The following TTLL11 variants were observed in gnomAD, a reference collection of about 807,000 sequenced individuals.
The protein encoded by TTLL11 is tubulin polyglutamylase TTLL11.
In TTLL11, 42 loss-of-function variants were observed where a neutral mutation model predicts 51.7. That is an observed-to-expected ratio of 0.81 (90% CI 0.64 to 1.05). TTLL11 has a LOEUF of 1.05. Among genes scored for constraint, TTLL11 ranks in the 50% least tolerant of loss-of-function variants. The pLI is 0.00. For missense variants in TTLL11, 799 were observed against 940.4 expected (o/e 0.85, Z 1.97); for synonymous variants, 381 against 383.5 (o/e 0.99, Z 0.08).
intron 8 of TTLL11, among the ~76,000 whole-genome samples, chr9:121,841,999 G>A (rs527920892): frequency 1.9e-4 from 29 of 152,224 alleles, no homozygotes; most frequent in African/African-American, 6.0e-4. Context: ...AGAGCTCCCC[G>A]AGAGCATGTG....
intron 6 of TTLL11, among the ~76,000 whole-genome samples, chr9:121,902,172 C>T (rs1478845540): frequency 6.6e-6 from 1 of 152,142 alleles, no homozygotes; most frequent in Non-Finnish European, 1.5e-5. Context: ...TCCTACAGCC[C>T]AGAAGCAACC....
chr9:121,998,257 C>T (rs1011311288), intron 3 of TTLL11, among the ~76,000 whole-genome samples: 27 of 151,964 alleles, frequency 1.8e-4, no homozygotes, highest in Admixed American at 9.8e-4. Flanking sequence ...CACATTAAGT[C>T]GCTTAGGGTT....
chr9:122,008,632 C>T (rs1033506233), intron 3 of TTLL11, among the ~76,000 whole-genome samples: 11 of 152,096 alleles, frequency 7.2e-5, no homozygotes, highest in Non-Finnish European at 1.6e-4. Context: ...TTAGTATGGC[C>T]ATTATGGAAA....
chr9:122,019,369 C>T (rs12348670), intron 3 of TTLL11, among the ~76,000 whole-genome samples: 6,727 of 152,268 alleles, frequency 0.044, 173 homozygotes, highest in African/African-American at 0.073. Context: ...CCTTGATAAG[C>T]GCTTTACCTT....
At chr9:121,943,084 G>A (rs1302366939) in intron 6 of TTLL11, among the ~76,000 whole-genome samples, 1 of 152,192 alleles carries the variant, frequency 6.6e-6, no homozygotes, top group East Asian at 1.9e-4. Context: ...ATGAGATGAT[G>A]AGTGCAAAAC....
chr9:121,974,126 T>C lies in TTLL11; in HGVS notation c.1366-2A>G. On this transcript the variant is annotated splice_acceptor_variant, in intron 5 of 8. Transcript: ENST00000321582. LOFTEE classifies it high-confidence loss of function. ...ATTTTCAAACACCCCTGGAGAAAGC[T>C]TGAACGGGTAAGGATTCTGTGTCAC... 6.5e-7 allele frequency: 1 copy of C among 1,549,914 alleles called. No homozygotes were observed. The highest frequency in any genetic ancestry group is 8.7e-7 in the Non-Finnish European group (1 of 1,145,732).
chr9:121,822,390 A>T lies in TTLL11; in HGVS notation c.*197T>A. On this transcript the variant is annotated 3_prime_UTR_variant, in exon 9 of 9. Coordinates refer to ENST00000321582, the MANE Select transcript of TTLL11 (RefSeq NM_001139442.2). This position sits in a 1 kb window ranked among gnomAD's most constrained non-coding sequence, Gnocchi z 5.8. ...CTCAGAAACAGGGTGTATCACCAGG[A>T]GGTGTGAGGAGGAAGGCAGGTGAGA... The T allele has an allele frequency of 2.2e-6, 1 of 458,696 alleles. No individual in the cohort carries two copies. The highest frequency in any genetic ancestry group is 3.9e-6 in the Non-Finnish European group (1 of 259,640). 28.4% of individuals were successfully genotyped at this position (458,696 alleles called of 1,614,324 possible).
intron 3 of TTLL11, among the ~76,000 whole-genome samples, chr9:122,012,355 T>C (rs578204434): frequency 6.6e-6 from 1 of 152,114 alleles, no homozygotes; most frequent in South Asian, 2.1e-4. Flanking sequence ...AGCAAGGTTT[T>C]CTTGACCTTT....
At chr9:122,038,863 T>C (rs1018966602) in intron 2 of TTLL11, among the ~76,000 whole-genome samples, 12 of 152,160 alleles carry the variant, frequency 7.9e-5, no homozygotes, top group Non-Finnish European at 1.5e-4. Context: ...TATTTGGTTT[T>C]AAAAATGGTA....
chr9:121,886,571 A>C (rs1178820585), intron 6 of TTLL11, among the ~76,000 whole-genome samples: 1 of 152,190 alleles, frequency 6.6e-6, no homozygotes, highest in East Asian at 1.9e-4. Flanking sequence ...GGCCCTGCGG[A>C]CACCCTGCTC....
intron 6 of TTLL11, among the ~76,000 whole-genome samples, chr9:121,901,804 C>G (rs1839786957): frequency 6.6e-6 from 1 of 152,180 alleles, no homozygotes; most frequent in Non-Finnish European, 1.5e-5. Context: ...AAGGGATTGT[C>G]AGATGCTTGC....
rs1836613534 is a variant in TTLL11, at chr9:121,822,600, T to A, written c.2120A>T (p.His707Leu). 2 of 1,467,126 alleles carry A rather than the reference T, an allele frequency of 1.4e-6. No individual in the cohort carries two copies. The highest frequency in any genetic ancestry group is 2.9e-5 in the African/African-American group (2 of 70,092). 90.9% of individuals were successfully genotyped at this position (1,467,126 alleles called of 1,614,324 possible). The change falls in exon 9 of 9, where the codon CAT (histidine) becomes CTT (leucine). Residue 707 changes from histidine (H) to leucine (L), a missense_variant. Physicochemically the swap from His to Leu is moderately conservative, Grantham distance 99. Coordinates refer to ENST00000321582, the MANE Select transcript of TTLL11 (RefSeq NM_001139442.2). The surrounding 1 kb of genome is among the most constrained non-coding windows in gnomAD (Gnocchi z 5.8). ...SCANKLSHPR[H>L]TLS The stretch of plus-strand genomic sequence containing the variant: ...ACAGAGTGGCCCTCAGGACAGGGTA[T>A]GTCTGGGATGGGAGAGCTTATTGGC...
intron 6 of TTLL11, among the ~76,000 whole-genome samples, chr9:121,878,319 C>G (rs1368778612): frequency 6.6e-6 from 1 of 152,126 alleles, no homozygotes; most frequent in African/African-American, 2.4e-5. Context: ...TGTGACTTCT[C>G]GGGAGGGTAC....
chr9:122,022,404 T>A (rs889895752), intron 3 of TTLL11, among the ~76,000 whole-genome samples: 2 of 151,920 alleles, frequency 1.3e-5, no homozygotes, highest in Non-Finnish European at 2.9e-5. Context: ...AAGAATGTTA[T>A]ATAAAGAAGA....
At chr9:121,824,867 T>C (rs967274805) in intron 8 of TTLL11, among the ~76,000 whole-genome samples, 3 of 152,192 alleles carry the variant, frequency 2.0e-5, no homozygotes, top group Admixed American at 2.0e-4. Context: ...GTTTGTAGAT[T>C]ACAGGTTACA....
intron 6 of TTLL11, among the ~76,000 whole-genome samples, chr9:121,926,530 G>C (rs528153745): frequency 6.6e-6 from 1 of 152,210 alleles, no homozygotes; most frequent in African/African-American, 2.4e-5. Context: ...CACAGCCCTG[G>C]AGGTGGTGCT....
intron 8 of TTLL11, among the ~76,000 whole-genome samples, chr9:121,839,870 C>T (rs975347959): frequency 1.3e-5 from 2 of 152,188 alleles, no homozygotes; most frequent in Non-Finnish European, 2.9e-5. Context: ...AGGTGAGACC[C>T]CTCTGAGGAG....
chr9:121,970,940 G>C (rs1039350953), intron 6 of TTLL11, among the ~76,000 whole-genome samples: 1 of 152,228 alleles, frequency 6.6e-6, no homozygotes, highest in Non-Finnish European at 1.5e-5. Context: ...CAAAGACTTG[G>C]AACCAAAGCA....
chr9:121,988,385 G>A (rs1426577841), intron 4 of TTLL11, among the ~76,000 whole-genome samples: 5 of 149,292 alleles, frequency 3.3e-5, no homozygotes, highest in Admixed American at 6.7e-5. Flanking sequence ...CCAGGCTCTC[G>A]ACACAGCCCC....
Sources: allele counts gnomAD v4.1 joint callset (sites outside exome capture counted in the v4.1 genomes callset), GRCh38; gene constraint gnomAD v4.1.1; non-coding constraint Gnocchi (gnomAD v3.1); transcripts MANE v1.5; gene names NCBI Gene and HGNC (gene_info 2026-07-23, HGNC 2026-07-21).